The following HPSE2 variants were observed in gnomAD, a reference collection of about 807,000 sequenced individuals.
HPSE2 encodes heparanase 2 (inactive).
HPSE2 carries 38 observed loss-of-function variants against 60.5 expected under a neutral mutation model. The observed-to-expected ratio is 0.63, with a 90% CI of 0.48 to 0.82. The LOEUF is 0.82. HPSE2 is among the 40% of genes least tolerant of loss of function. The pLI, the probability that HPSE2 is intolerant of heterozygous loss-of-function variation, is 0.00. For synonymous variants in HPSE2, 295 were observed against 293.2 expected (o/e 1.01, Z -0.06); for missense variants, 713 against 740.4 (o/e 0.96, Z 0.43).
At chr10:99,013,170 C>T (rs1957056968) in intron 3 of HPSE2, 2 of 672,330 alleles carry the variant, frequency 3.0e-6, no homozygotes, top group Non-Finnish European at 5.6e-6. Context: ...TAGAGAACAG[C>T]ATGCCTGGAT....
chr10:98,778,053 G>T (rs915961212), intron 3 of HPSE2, among the ~76,000 whole-genome samples: 5 of 152,056 alleles, frequency 3.3e-5, no homozygotes, highest in African/African-American at 1.2e-4. Flanking sequence ...TCTCCATAGA[G>T]GCCATAATCC....
At chr10:99,277,241 G>A in the HPSE2 span, among the ~76,000 whole-genome samples, 2 of 152,176 alleles carry the variant, frequency 1.3e-5, no homozygotes, top group Non-Finnish European at 2.9e-5. Context: ...GCACACAGGT[G>A]CACATGCATG....
chr10:98,553,622 A>G (rs1191300907), intron 9 of HPSE2, among the ~76,000 whole-genome samples: 3 of 152,062 alleles, frequency 2.0e-5, no homozygotes, highest in African/African-American at 7.2e-5. Flanking sequence ...TCTCTCCACC[A>G]TTTCTGACTC....
intron 9 of HPSE2, among the ~76,000 whole-genome samples, chr10:98,553,082 T>G (rs1267504664): frequency 1.3e-5 from 2 of 152,188 alleles, no homozygotes; most frequent in Non-Finnish European, 2.9e-5. Flanking sequence ...TTAGTCTCAT[T>G]GCAGTTCCCA....
chr10:99,103,244 A>C (rs1323235315), intron 3 of HPSE2, among the ~76,000 whole-genome samples: 1 of 152,356 alleles, frequency 6.6e-6, no homozygotes, highest in African/African-American at 2.4e-5. Context: ...CCATTGTCTC[A>C]GCCAAAAATC....
chr10:98,580,377 TC>T (rs1489940353), intron 9 of HPSE2, among the ~76,000 whole-genome samples: 1 of 152,158 alleles, frequency 6.6e-6, no homozygotes, highest in Middle Eastern at 3.2e-3. Flanking sequence ...CTTCTCCACA[TC>T]TACTAGTGAA....
intron 6 of HPSE2, among the ~76,000 whole-genome samples, chr10:98,656,099 T>C (rs1182560195): frequency 6.6e-6 from 1 of 152,054 alleles, no homozygotes; most frequent in Non-Finnish European, 1.5e-5. Flanking sequence ...TTTTTTTTTT[T>C]TAATTGAGAC....
At chr10:99,059,660 G>A (rs948492792) in intron 3 of HPSE2, among the ~76,000 whole-genome samples, 1 of 151,830 alleles carries the variant, frequency 6.6e-6, no homozygotes, top group Non-Finnish European at 1.5e-5. Flanking sequence ...TTCTGGGAAC[G>A]ACAAATGCAT....
chr10:98,965,688 C>G (rs1443778279), intron 3 of HPSE2, among the ~76,000 whole-genome samples: 2 of 152,172 alleles, frequency 1.3e-5, no homozygotes, highest in Non-Finnish European at 2.9e-5. Context: ...TCTATGAAGT[C>G]TTCAACATAA....
chr10:98,990,304 C>G (rs1420631789), intron 3 of HPSE2, among the ~76,000 whole-genome samples: 1 of 152,240 alleles, frequency 6.6e-6, no homozygotes, highest in African/African-American at 2.4e-5. Context: ...ACCACTGCCT[C>G]AGCTCCACCT....
At chr10:98,761,708 T>C (rs901314054) in intron 3 of HPSE2, among the ~76,000 whole-genome samples, 1 of 152,104 alleles carries the variant, frequency 6.6e-6, no homozygotes, top group Non-Finnish European at 1.5e-5. Flanking sequence ...GGCAATGACC[T>C]AAGAACTCCG....
At chr10:98,530,891 C>G (rs1052663256) in intron 9 of HPSE2, among the ~76,000 whole-genome samples, 3 of 152,290 alleles carry the variant, frequency 2.0e-5, no homozygotes, top group Middle Eastern at 3.4e-3. Context: ...AGGCCTGTTA[C>G]TGAAGGAAGA....
chr10:98,905,845 C>A (rs1052173452), intron 3 of HPSE2, among the ~76,000 whole-genome samples: 2 of 152,132 alleles, frequency 1.3e-5, no homozygotes, highest in African/African-American at 4.8e-5. Context: ...TCACTAGAGA[C>A]AATGGAACAC....
At chr10:99,116,034 T>C (rs1221224505) in intron 3 of HPSE2, among the ~76,000 whole-genome samples, 3 of 152,180 alleles carry the variant, frequency 2.0e-5, no homozygotes, top group Non-Finnish European at 4.4e-5. Flanking sequence ...AGAATTCTAA[T>C]ACCAACAAAT....
At chr10:98,473,054 T>A (rs980763485) in intron 11 of HPSE2, among the ~76,000 whole-genome samples, 3 of 152,192 alleles carry the variant, frequency 2.0e-5, no homozygotes, top group Admixed American at 1.3e-4. Flanking sequence ...AACATAAGAA[T>A]ACTTTTTTTA....
At chr10:99,162,337 T>G (rs1846878159) in intron 2 of HPSE2, among the ~76,000 whole-genome samples, 1 of 152,240 alleles carries the variant, frequency 6.6e-6, no homozygotes, top group Non-Finnish European at 1.5e-5. Context: ...ACATCATGTA[T>G]ATTCTGCTTC....
At chr10:98,499,168 C>T (rs373352845) in intron 9 of HPSE2, among the ~76,000 whole-genome samples, 10 of 152,190 alleles carry the variant, frequency 6.6e-5, no homozygotes, top group African/African-American at 2.4e-4. Flanking sequence ...GGAAATTCCT[C>T]ACAAAAAGAT....
chr10:99,142,971 TAC>T (rs200024249), intron 3 of HPSE2, among the ~76,000 whole-genome samples: 5 of 151,846 alleles, frequency 3.3e-5, no homozygotes, highest in Non-Finnish European at 7.4e-5. Flanking sequence ...CACGTATTTA[TAC>T]ACACACACAC....
At chr10:98,541,655 C>T (rs915987730) in intron 9 of HPSE2, among the ~76,000 whole-genome samples, 1 of 148,448 alleles carries the variant, frequency 6.7e-6, no homozygotes, top group Non-Finnish European at 1.5e-5. Context: ...AACGGCACAC[C>T]AGGAGATTAC....
Sources: gnomAD v4.1 joint callset for allele counts (sites outside exome capture counted in the v4.1 genomes callset) on GRCh38, gnomAD v4.1.1 for gene constraint, MANE v1.5 for transcripts, NCBI Gene and HGNC (gene_info 2026-07-23, HGNC 2026-07-21) for gene names.